The following PID1 variants were observed in gnomAD, a reference collection of about 807,000 sequenced individuals.
PID1 encodes the protein phosphotyrosine interaction domain containing 1.
Under a neutral mutation model 19.1 loss-of-function variants are expected in PID1, and 10 were observed. The observed-to-expected ratio is 0.52, with a 90% CI of 0.32 to 0.89. The LOEUF (loss-of-function observed/expected upper bound fraction) is 0.89, where lower values mean the gene tolerates loss of function less well. Ranked by LOEUF, PID1 falls within the 40% of genes least tolerant of loss-of-function variation. The pLI is 0.03. For synonymous variants in PID1, 130 were observed against 116.0 expected, an observed-to-expected ratio of 1.12 and a Z score of -0.78; for missense variants, 248 against 285.3, an observed-to-expected ratio of 0.87 and a Z score of 0.94.
chr2:229,182,242 A>G (rs2106219786), intron 1 of PID1, among the ~76,000 whole-genome samples: 1 of 150,898 alleles, frequency 6.6e-6, no homozygotes, highest in African/African-American at 2.4e-5. Context: ...GGTTCATGAA[A>G]CATAACAAAT....
chr2:229,134,518 A>G lies in PID1; in HGVS notation c.177+21300T>C, dbSNP rs377045754. On this transcript the variant is annotated intron_variant, in intron 2 of 2. Coordinates refer to ENST00000392055, the MANE Select transcript of PID1 (RefSeq NM_001100818.2). Reference sequence around the variant, plus strand: ...TGGCCTCCCAAAGTGCTGGGATTACAGGCATGAGCCACCACACCTGGCCAC... The same window carrying G: ...TGGCCTCCCAAAGTGCTGGGATTACGGGCATGAGCCACCACACCTGGCCAC... Among the ~76,000 whole-genome samples the G allele has an allele frequency of 9.5e-4, 145 of 152,094 alleles. 1 individual carries two copies. Among genetic ancestry groups the G allele is most frequent in the African/African-American group, 3.4e-3 (141 of 41,488 alleles).
intron 2 of PID1, among the ~76,000 whole-genome samples, chr2:229,131,051 C>A (rs528654757): frequency 2.0e-5 from 3 of 152,240 alleles, no homozygotes; most frequent in African/African-American, 7.2e-5. Context: ...TCCAATATGA[C>A]CTCATCTTAA....
At chr2:229,261,378 C>T (rs1385801694) in intron 1 of PID1, among the ~76,000 whole-genome samples, 1 of 152,190 alleles carries the variant, frequency 6.6e-6, no homozygotes, top group African/African-American at 2.4e-5. Flanking sequence ...GCCCCATAGC[C>T]TCCAGCTCAC....
chr2:229,068,618 C>T (rs1694382075), intron 2 of PID1, among the ~76,000 whole-genome samples: 1 of 152,072 alleles, frequency 6.6e-6, no homozygotes, highest in Non-Finnish European at 1.5e-5. Flanking sequence ...GTTGGAGAGC[C>T]TTCTGACTTC....
intron 2 of PID1, among the ~76,000 whole-genome samples, chr2:229,132,617 CA>C (rs1383948763): frequency 6.6e-6 from 1 of 152,132 alleles, no homozygotes; most frequent in African/African-American, 2.4e-5. Flanking sequence ...AATCCAGGCT[CA>C]TTATGTAATT....
At chr2:229,181,897 G>T (rs1272813615) in intron 1 of PID1, among the ~76,000 whole-genome samples, 2 of 152,156 alleles carry the variant, frequency 1.3e-5, no homozygotes, top group Admixed American at 6.5e-5. Flanking sequence ...AAGTAATAAA[G>T]AGAAACTTAA....
Position 229,232,153 on chromosome 2 carries a change from G to A in PID1, c.30+38861C>T. 5 of 1,441,254 alleles carry A rather than the reference G, an allele frequency of 3.5e-6. No homozygotes were observed. In the South Asian group the frequency reaches 7.6e-5, roughly 22 times the overall value. The allele number at this position is 1,441,254 out of a possible 1,614,324, so 89.3% of individuals were successfully genotyped here. A position where few individuals can be genotyped will look rare whatever the true frequency, so the allele number is the denominator to read the frequency against. ...TAAAGGTCCCTCTTGGCCGGGTGCA[G>A]TGGCTCACGCCTGTAATCCCAGCAC... On this transcript the variant is annotated intron_variant, in intron 1 of 2. Transcript: ENST00000392055.
intron 2 of PID1, among the ~76,000 whole-genome samples, chr2:229,150,853 CT>C (rs35107592): frequency 0.041 from 5,590 of 137,310 alleles, 110 homozygotes; most frequent in Middle Eastern, 0.061. Flanking sequence ...TGTAGAGTGC[CT>C]TTTTTTTTTT....
Position 229,058,496 on chromosome 2 carries a change from C to T in PID1, c.178-32388G>A, listed in dbSNP as rs549080428. ...GTTCAAATGTGTGAACTGGTTATACCGTGAAGATGTCCATATGACAGCCGC... is the reference window on the plus strand; with the variant it reads ...GTTCAAATGTGTGAACTGGTTATACTGTGAAGATGTCCATATGACAGCCGC... On this transcript the variant is annotated intron_variant, in intron 2 of 2. Coordinates refer to ENST00000392055, the MANE Select transcript of PID1 (RefSeq NM_001100818.2). Among the ~76,000 whole-genome samples, 3 of 152,236 alleles carry T rather than the reference C, an allele frequency of 2.0e-5. No individual in the cohort carries two copies. In the South Asian group the frequency reaches 6.2e-4, roughly 32 times the overall value.
intron 2 of PID1, among the ~76,000 whole-genome samples, chr2:229,047,144 C>G (rs1166807894): frequency 6.6e-6 from 1 of 152,220 alleles, no homozygotes; most frequent in African/African-American, 2.4e-5. Flanking sequence ...CATTTCGGAG[C>G]AGCATCACAT....
intron 1 of PID1, among the ~76,000 whole-genome samples, chr2:229,223,484 T>C (rs1692015006): frequency 1.3e-5 from 2 of 152,228 alleles, no homozygotes; most frequent in African/African-American, 4.8e-5. Context: ...CCGGTGTCTT[T>C]TATTATTTGC....
At chr2:229,269,029 T>G (rs1574772751) in intron 1 of PID1, among the ~76,000 whole-genome samples, 1 of 150,600 alleles carries the variant, frequency 6.6e-6, no homozygotes, top group African/African-American at 2.4e-5. Flanking sequence ...ATAAAAAAAT[T>G]TTTCCGCATT....
chr2:229,056,054 C>T (rs1384214400), intron 2 of PID1, among the ~76,000 whole-genome samples: 2 of 152,280 alleles, frequency 1.3e-5, no homozygotes, highest in East Asian at 1.9e-4. Context: ...GCAGACTATA[C>T]ATAATCTGGT....
At chr2:229,213,155 G>A (rs1413532113) in intron 1 of PID1, among the ~76,000 whole-genome samples, 2 of 152,124 alleles carry the variant, frequency 1.3e-5, no homozygotes, top group African/African-American at 4.8e-5. Flanking sequence ...AAAGCTTCAG[G>A]TGGGGAAATT....
intron 2 of PID1, among the ~76,000 whole-genome samples, chr2:229,125,204 C>T (rs1020645397): frequency 1.6e-4 from 25 of 152,206 alleles, no homozygotes; most frequent in Non-Finnish European, 1.0e-4. Context: ...TGGTTTTCCC[C>T]ACTGTTACTG....
chr2:229,084,225 G>A (rs1226347669), intron 2 of PID1, among the ~76,000 whole-genome samples: 1 of 152,156 alleles, frequency 6.6e-6, no homozygotes, highest in Non-Finnish European at 1.5e-5. Flanking sequence ...AGGTGACAAG[G>A]TCAGACACAA....
At chr2:229,244,550 C>A (rs887938225) in intron 1 of PID1, among the ~76,000 whole-genome samples, 17 of 152,200 alleles carry the variant, frequency 1.1e-4, no homozygotes, top group African/African-American at 3.9e-4. Flanking sequence ...CTTTAAAATC[C>A]TTTAATTTTT....
chr2:229,159,230 A>G (rs1040616968), intron 1 of PID1, among the ~76,000 whole-genome samples: 1 of 152,178 alleles, frequency 6.6e-6, no homozygotes, highest in African/African-American at 2.4e-5. Flanking sequence ...AATTTGTGGC[A>G]AGACAAAGTG....
At chr2:229,109,437 T>C (rs1695249192) in intron 2 of PID1, among the ~76,000 whole-genome samples, 1 of 152,234 alleles carries the variant, frequency 6.6e-6, no homozygotes, top group African/African-American at 2.4e-5. Context: ...TAATTCATTG[T>C]TGGCTGTGGT....
Sources: allele counts gnomAD v4.1 joint callset (sites outside exome capture counted in the v4.1 genomes callset), GRCh38; gene constraint gnomAD v4.1.1; transcripts MANE v1.5; gene names NCBI Gene and HGNC (gene_info 2026-07-23, HGNC 2026-07-21).